The following LINGO2 variants were observed in gnomAD, a reference collection of about 807,000 sequenced individuals.
LINGO2 encodes the protein leucine-rich repeat and immunoglobulin-like domain-containing nogo receptor-interacting protein 2.
Under a neutral mutation model 30.6 loss-of-function variants are expected in LINGO2, and 14 were observed. That is an observed-to-expected ratio of 0.46 (90% CI 0.30 to 0.72). LINGO2 has a LOEUF of 0.72. Ranked by LOEUF, LINGO2 falls within the 30% of genes least tolerant of loss-of-function variation. The probability of loss-of-function intolerance (pLI) is 0.07; values close to 1 mark genes in which losing one functional copy is unlikely to be tolerated. For synonymous variants in LINGO2, 317 were observed against 288.5 expected, an observed-to-expected ratio of 1.10 and a Z score of -1.00; for missense variants, 729 against 751.7, an observed-to-expected ratio of 0.97 and a Z score of 0.35.
chr9:28,482,079 A>G (rs1299891811), intron 1 of LINGO2, among the ~76,000 whole-genome samples: 2 of 152,066 alleles, frequency 1.3e-5, no homozygotes, highest in Non-Finnish European at 2.9e-5. Context: ...TGCCGCAATA[A>G]ACATATGTGT....
chr9:28,911,546 T>C, the LINGO2 span, among the ~76,000 whole-genome samples: 1 of 152,070 alleles, frequency 6.6e-6, no homozygotes, highest in Admixed American at 6.6e-5. Context: ...AATGAAATTC[T>C]CCTTGATCAT....
At chr9:28,304,821 C>T (rs931990904) in intron 3 of LINGO2, among the ~76,000 whole-genome samples, 2 of 151,132 alleles carry the variant, frequency 1.3e-5, no homozygotes, top group South Asian at 4.2e-4. Flanking sequence ...TGGAGTATGT[C>T]GAAGAGAATA....
At chr9:28,139,815 G>GA (rs985136552) in intron 4 of LINGO2, among the ~76,000 whole-genome samples, 2 of 152,018 alleles carry the variant, frequency 1.3e-5, no homozygotes, top group African/African-American at 4.8e-5. Flanking sequence ...AGTTTGAGGG[G>GA]AAAAAAAGCA....
Position 28,127,848 on chromosome 9 carries a change from G to C in LINGO2, c.-86-115443C>G, listed in dbSNP as rs545565651. On this transcript the variant is annotated intron_variant, in intron 4 of 5. Coordinates refer to ENST00000379992, the Ensembl canonical transcript of LINGO2. ...GTAGAGTTTGATGTCAGAAAGACCT[G>C]GGTTTGAGTAGGGGCTTGCCACTTA... Among the ~76,000 whole-genome samples, 3 of 152,242 alleles carry C rather than the reference G, an allele frequency of 2.0e-5. No homozygotes were observed. The East Asian group carries it at 5.8e-4, about 29-fold the overall frequency.
At chr9:27,941,015 C>G in the LINGO2 span, 4 of 95,210 alleles carry the variant, frequency 4.2e-5, no homozygotes, top group South Asian at 3.9e-4. Context: ...TTGTTTTAGT[C>G]TTACTGATTT....
chr9:28,712,533 A>G, the LINGO2 span, among the ~76,000 whole-genome samples: 1 of 151,376 alleles, frequency 6.6e-6, no homozygotes, highest in African/African-American at 2.4e-5. Context: ...TTACAGAAAA[A>G]TTACTTAAAT....
chr9:28,649,433 A>G (rs1456267569), intron 1 of LINGO2, among the ~76,000 whole-genome samples: 2 of 152,148 alleles, frequency 1.3e-5, no homozygotes, highest in African/African-American at 4.8e-5. Context: ...GAAGTTAGCT[A>G]AATTGTTATA....
At chr9:27,946,617 G>GT (rs142850489), downstream of LINGO2, among the ~76,000 whole-genome samples, 4,101 of 152,120 alleles carry the variant, frequency 0.027, 67 homozygotes, top group Middle Eastern at 0.037. Context: ...ACTTTTGGAA[G>GT]TTTTTTTGAA....
intron 1 of LINGO2, among the ~76,000 whole-genome samples, chr9:28,517,110 TTAAG>T (rs1157728198): frequency 2.9e-4 from 44 of 152,338 alleles, no homozygotes; most frequent in Admixed American, 2.7e-3. Flanking sequence ...ATTAAGCTGA[TTAAG>T]TAAGAACACT....
intron 2 of LINGO2, among the ~76,000 whole-genome samples, chr9:28,419,468 T>C (rs548347619): frequency 1.3e-3 from 194 of 152,216 alleles, no homozygotes; most frequent in Admixed American, 2.4e-3. Flanking sequence ...AGCTGTTGTA[T>C]AAAGGTAAGA....
intron 2 of LINGO2, among the ~76,000 whole-genome samples, chr9:28,474,916 TAAG>T (rs1326733162): frequency 3.9e-5 from 6 of 152,198 alleles, no homozygotes; most frequent in African/African-American, 1.4e-4. Context: ...TGATAATAAA[TAAG>T]AATAAAAATA....
chr9:28,968,853 T>C, the LINGO2 span, among the ~76,000 whole-genome samples: 1 of 152,206 alleles, frequency 6.6e-6, no homozygotes, highest in African/African-American at 2.4e-5. Flanking sequence ...ATCAGATCTT[T>C]ATTGTTATCA....
chr9:28,079,969 T>C (rs1825728618), intron 4 of LINGO2, among the ~76,000 whole-genome samples: 1 of 152,234 alleles, frequency 6.6e-6, no homozygotes, highest in South Asian at 2.1e-4. Context: ...GTATCACTCT[T>C]GATATTTGTC....
intron 4 of LINGO2, among the ~76,000 whole-genome samples, chr9:28,109,027 C>T (rs1200574610): frequency 1.3e-5 from 2 of 152,142 alleles, no homozygotes; most frequent in African/African-American, 4.8e-5. Flanking sequence ...TCCAGCAGCA[C>T]ATCAAAAAGC....
the LINGO2 span, among the ~76,000 whole-genome samples, chr9:28,687,908 T>G: frequency 6.6e-6 from 1 of 152,084 alleles, no homozygotes; most frequent in Non-Finnish European, 1.5e-5. Flanking sequence ...CAAATCACAA[T>G]TGAAAAGCTT....
chr9:28,255,443 T>G (rs567094410), intron 4 of LINGO2, among the ~76,000 whole-genome samples: 26 of 152,196 alleles, frequency 1.7e-4, no homozygotes, highest in Admixed American at 4.6e-4. Flanking sequence ...ATTTATTAGC[T>G]GAATATCCTG....
At chr9:28,533,324 T>A (rs1487438074) in intron 1 of LINGO2, among the ~76,000 whole-genome samples, 3 of 152,080 alleles carry the variant, frequency 2.0e-5, no homozygotes, top group African/African-American at 7.2e-5. Flanking sequence ...CGCTTCCCAC[T>A]TTTGAAGTTT....
intron 4 of LINGO2, among the ~76,000 whole-genome samples, chr9:28,278,177 A>G (rs1252064607): frequency 2.0e-5 from 3 of 152,212 alleles, no homozygotes; most frequent in Non-Finnish European, 4.4e-5. Flanking sequence ...AGGAAAAAAA[A>G]GTTGAACACT....
chr9:28,728,237 C>T, the LINGO2 span, among the ~76,000 whole-genome samples: 1 of 152,076 alleles, frequency 6.6e-6, no homozygotes, highest in South Asian at 2.1e-4. Flanking sequence ...AAGAAAACCA[C>T]AACCCCCTCC....
Sources: allele counts gnomAD v4.1 joint callset (sites outside exome capture counted in the v4.1 genomes callset), GRCh38; gene constraint gnomAD v4.1.1; transcripts MANE v1.5; gene names NCBI Gene and HGNC (gene_info 2026-07-23, HGNC 2026-07-21).